Variants in PRICKLE2 observed in about 807,000 individuals in gnomAD.
PRICKLE2 encodes prickle planar cell polarity protein 2.
In PRICKLE2, 21 loss-of-function variants were observed where a neutral mutation model predicts 81.4. The observed-to-expected ratio is 0.26, with a 90% CI of 0.18 to 0.37. PRICKLE2 has a LOEUF of 0.37. Ranked by LOEUF, PRICKLE2 falls within the 10% of genes least tolerant of loss-of-function variation. The pLI, the probability that PRICKLE2 is intolerant of heterozygous loss-of-function variation, is 1.00. For synonymous variants in PRICKLE2, 456 were observed against 421.5 expected, an observed-to-expected ratio of 1.08 and a Z score of -1.00; for missense variants, 940 against 1,109.0, an observed-to-expected ratio of 0.85 and a Z score of 2.16.
chr3:64,253,818 C>T (rs1311353006), intron 2 of PRICKLE2, among the ~76,000 whole-genome samples: 4 of 152,126 alleles, frequency 2.6e-5, no homozygotes, highest in Non-Finnish European at 5.9e-5. Flanking sequence ...GAAACAGTGA[C>T]CTTGGAAAAA....
chr3:64,163,187 C>T (rs1038250080), intron 2 of PRICKLE2, 58 bp from the exon 3 acceptor site: 22 of 1,009,280 alleles, frequency 2.2e-5, no homozygotes, highest in Non-Finnish European at 3.5e-5. Flanking sequence ...GTGCCTATTC[C>T]CACTTACTGG....
At chr3:64,103,676 G>A (rs928051816) in intron 7 of PRICKLE2, among the ~76,000 whole-genome samples, 1 of 152,134 alleles carries the variant, frequency 6.6e-6, no homozygotes, top group African/African-American at 2.4e-5. Context: ...CAATAAAATG[G>A]AGTAAAAGTA....
intron 7 of PRICKLE2, among the ~76,000 whole-genome samples, chr3:64,138,788 A>G (rs910956628): frequency 3.9e-5 from 6 of 152,188 alleles, no homozygotes; most frequent in Non-Finnish European, 5.9e-5. Context: ...TGGACCACAC[A>G]TCTTCCCCAG....
chr3:64,166,464 G>A (rs769151446), intron 2 of PRICKLE2, among the ~76,000 whole-genome samples: 1 of 152,158 alleles, frequency 6.6e-6, no homozygotes, highest in African/African-American at 2.4e-5. Flanking sequence ...TTGGTGTGCT[G>A]AGATCCATCC....
At chr3:64,175,504 G>C (rs1575620827) in intron 2 of PRICKLE2, among the ~76,000 whole-genome samples, 1 of 152,128 alleles carries the variant, frequency 6.6e-6, no homozygotes, top group South Asian at 2.1e-4. Context: ...AGCATTGCAA[G>C]CTTCTGATCA....
intron 2 of PRICKLE2, among the ~76,000 whole-genome samples, chr3:64,186,125 G>A (rs11925461): frequency 0.22 from 34,224 of 152,134 alleles, 4,118 homozygotes; most frequent in African/African-American, 0.28. Flanking sequence ...CTTTTATTGT[G>A]AAGTAGTAGT....
At chr3:64,214,856 C>T (rs752559454) in intron 1 of PRICKLE2, among the ~76,000 whole-genome samples, 4 of 152,246 alleles carry the variant, frequency 2.6e-5, no homozygotes, top group South Asian at 4.1e-4. Flanking sequence ...GTTGACGAAA[C>T]GAACAAGGAG....
At chr3:64,140,047 T>G (rs930006448) in intron 7 of PRICKLE2, among the ~76,000 whole-genome samples, 27 of 152,210 alleles carry the variant, frequency 1.8e-4, no homozygotes, top group African/African-American at 6.3e-4. Context: ...GCACCTTGCA[T>G]AGGTGGCACC....
intron 2 of PRICKLE2, among the ~76,000 whole-genome samples, chr3:64,167,549 C>T (rs1455753057): frequency 6.6e-6 from 1 of 152,320 alleles, no homozygotes; most frequent in African/African-American, 2.4e-5. Flanking sequence ...AGATCGCAAG[C>T]ACTTTAGTCA....
rs2079573157 is a variant in PRICKLE2 at position 64,258,882 on chromosome 3, AAAG to A, written c.129-59918_129-59916del. ...GAAAGAAAGAAAGAAAGAAAGAAAG[AAAG>A]AAAGAAAGAAATCAGGAGAGTGGTT... On this transcript the variant is annotated intron_variant, in intron 2 of 8. Transcript: ENST00000295902. Among the ~76,000 whole-genome samples, 12 of 150,744 alleles carry A rather than the reference AAAG, an allele frequency of 8.0e-5. No individual in the cohort carries two copies. In the South Asian group the frequency reaches 2.5e-3, roughly 32 times the overall value.
intron 1 of PRICKLE2, among the ~76,000 whole-genome samples, chr3:64,212,681 C>T (rs1240559540): frequency 6.6e-6 from 1 of 152,152 alleles, no homozygotes; most frequent in Non-Finnish European, 1.5e-5. Context: ...GGGCTCAAAT[C>T]CTAACTTCAC....
intron 7 of PRICKLE2, among the ~76,000 whole-genome samples, chr3:64,115,163 TC>T (rs2076915089): frequency 6.6e-6 from 1 of 152,138 alleles, no homozygotes; most frequent in South Asian, 2.1e-4. Flanking sequence ...GGGAATTTGT[TC>T]CCACTAGACC....
At position 64,190,377 on chromosome 3, in the gene PRICKLE2, A is replaced by G. The variant is rs368377746; in HGVS notation, c.144+8407T>C. 1.0e-4 allele frequency: 15 copies of G among 144,472 alleles called. No homozygotes were observed. The East Asian group carries it at 2.1e-3, about 20-fold the overall frequency. 8.9% of individuals were successfully genotyped at this position (144,472 alleles called of 1,614,324 possible). ...GAGTTTTCTAAATATTTACAATCCT[A>G]TTCTTAACATCACTATGTTTTTTTA... On this transcript the variant is annotated intron_variant, in intron 2 of 7. Coordinates refer to ENST00000638394, the MANE Select transcript of PRICKLE2 (RefSeq NM_198859.4).
At chr3:64,136,750 G>A (rs1286445279) in intron 7 of PRICKLE2, among the ~76,000 whole-genome samples, 1 of 152,066 alleles carries the variant, frequency 6.6e-6, no homozygotes, top group Non-Finnish European at 1.5e-5. Context: ...AAGTGGCCAG[G>A]TAGGAAGGTC....
intron 7 of PRICKLE2, chr3:64,102,788 T>A (rs377507561): frequency 7.9e-5 from 12 of 151,604 alleles, no homozygotes; most frequent in African/African-American, 2.9e-4. Context: ...GAAAAAAAAA[T>A]GGAACATGGG....
At chr3:64,175,913 G>C (rs1183318770) in intron 2 of PRICKLE2, among the ~76,000 whole-genome samples, 2 of 152,076 alleles carry the variant, frequency 1.3e-5, no homozygotes, top group Non-Finnish European at 2.9e-5. Flanking sequence ...CATGACCCGA[G>C]AATAGTGGCC....
chr3:64,262,380 G>A (rs1251139267), intron 2 of PRICKLE2, among the ~76,000 whole-genome samples: 1 of 152,096 alleles, frequency 6.6e-6, no homozygotes, highest in African/African-American at 2.4e-5. Flanking sequence ...CTTAAGGAAA[G>A]GAAAAAGTTA....
chr3:64,100,160 C>A, intron 7 of PRICKLE2: 1 of 562,794 alleles, frequency 1.8e-6, no homozygotes, highest in South Asian at 2.2e-5. Flanking sequence ...TGTATTTTAC[C>A]AGTTACTAGT....
intron 2 of PRICKLE2, among the ~76,000 whole-genome samples, chr3:64,239,696 C>T (rs927492315): frequency 4.6e-5 from 7 of 152,100 alleles, no homozygotes; most frequent in Non-Finnish European, 1.0e-4. Flanking sequence ...CAAGGTTATA[C>T]CTATGGTTGC....
Sources: allele counts gnomAD v4.1 joint callset (sites outside exome capture counted in the v4.1 genomes callset), GRCh38; gene constraint gnomAD v4.1.1; transcripts MANE v1.5; gene names NCBI Gene and HGNC (gene_info 2026-07-23, HGNC 2026-07-21).